Variants in ADGRL2 observed in about 807,000 individuals in gnomAD.
ADGRL2 encodes the protein adhesion G protein-coupled receptor L2.
A neutral mutation model predicts 157.4 loss-of-function variants in ADGRL2; 44 were observed. That is an observed-to-expected ratio of 0.28 (90% CI 0.22 to 0.36). The LOEUF is 0.36. Ranked by LOEUF, ADGRL2 falls within the 10% of genes least tolerant of loss-of-function variation. ADGRL2 has a pLI of 1.00. For synonymous variants in ADGRL2, 585 were observed against 624.7 expected (o/e 0.94, Z 0.95); for missense variants, 1,510 against 1,768.9 (o/e 0.85, Z 2.63).
intron 3 of ADGRL2, among the ~76,000 whole-genome samples, chr1:81,631,781 A>G (rs547632134): frequency 3.7e-4 from 57 of 152,206 alleles, no homozygotes; most frequent in Non-Finnish European, 7.8e-4. Context: ...TCTACATAAC[A>G]TGATTATCGC....
chr1:81,329,708 A>G (rs996755795), intron 1 of ADGRL2, among the ~76,000 whole-genome samples: 5 of 152,188 alleles, frequency 3.3e-5, no homozygotes, highest in Non-Finnish European at 5.9e-5. Context: ...ACTGTTTTTT[A>G]GATGCCAATT....
intron 3 of ADGRL2, among the ~76,000 whole-genome samples, chr1:81,680,836 C>T (rs940884585): frequency 2.0e-5 from 3 of 152,060 alleles, no homozygotes; most frequent in Non-Finnish European, 4.4e-5. Context: ...GCATTTCCTG[C>T]TCCTTGATAA....
chr1:81,977,881 CAAAG>C (rs1660619078), intron 17 of ADGRL2, among the ~76,000 whole-genome samples: 1 of 151,556 alleles, frequency 6.6e-6, no homozygotes, highest in Non-Finnish European at 1.5e-5. Flanking sequence ...CATTCAAAAA[CAAAG>C]AGTCAGAAAC....
At position 81,500,124 on chromosome 1, in the gene ADGRL2, G is replaced by A. The variant is rs189445419; in HGVS notation, c.-248+55035G>A. On this transcript the variant is annotated intron_variant, in intron 2 of 24. Coordinates refer to the ADGRL2 transcript ENST00000370721. ...ACAAAAAGATAAAACACATCTCCTC[G>A]CTAAGATGGCTATTATTAAAACCAA... is the stretch of plus-strand genomic sequence containing the variant. Among the ~76,000 whole-genome samples the A allele has an allele frequency of 1.4e-3, 215 of 152,266 alleles. 3 individuals carry two copies. The highest frequency in any genetic ancestry group is 2.5e-3 in the Non-Finnish European group (167 of 68,014).
intron 3 of ADGRL2, among the ~76,000 whole-genome samples, chr1:81,624,789 A>G (rs571213821): frequency 6.6e-6 from 1 of 152,222 alleles, no homozygotes; most frequent in Non-Finnish European, 1.5e-5. Flanking sequence ...ACTGACTGTG[A>G]AGTATGGCAA....
At chr1:81,690,045 C>G (rs778655892) in intron 3 of ADGRL2, among the ~76,000 whole-genome samples, 1 of 152,128 alleles carries the variant, frequency 6.6e-6, no homozygotes, top group Admixed American at 6.5e-5. Context: ...CTTACTTACT[C>G]ACAGGAGTAG....
chr1:81,959,864 G>A (rs11163399), intron 11 of ADGRL2, among the ~76,000 whole-genome samples: 27,371 of 151,596 alleles, frequency 0.18, 3,227 homozygotes, highest in East Asian at 0.63. Flanking sequence ...GCAATGGCGC[G>A]ATCTTGGCTC....
intron 2 of ADGRL2, among the ~76,000 whole-genome samples, chr1:81,784,479 G>A (rs1257465906): frequency 1.3e-5 from 2 of 152,160 alleles, no homozygotes; most frequent in African/African-American, 4.8e-5. Flanking sequence ...TGTAATCCCA[G>A]CACTTTGGGA....
intron 2 of ADGRL2, among the ~76,000 whole-genome samples, chr1:81,847,505 T>C (rs898697297): frequency 1.3e-5 from 2 of 151,716 alleles, no homozygotes; most frequent in Non-Finnish European, 3.0e-5. Flanking sequence ...AGTTGAAATA[T>C]AGAAATAACA....
At chr1:81,796,475 T>G (rs937468221), upstream of ADGRL2, among the ~76,000 whole-genome samples, 1 of 152,186 alleles carries the variant, frequency 6.6e-6, no homozygotes, top group African/African-American at 2.4e-5. Context: ...ATTCTCAAGA[T>G]GCAGAGATTA....
chr1:81,388,860 G>A (rs891502113), intron 1 of ADGRL2, among the ~76,000 whole-genome samples: 1 of 152,146 alleles, frequency 6.6e-6, no homozygotes, highest in Non-Finnish European at 1.5e-5. Flanking sequence ...TAGAAGAGTA[G>A]AGATATGCTT....
intron 3 of ADGRL2, among the ~76,000 whole-genome samples, chr1:81,669,815 T>C (rs1184213354): frequency 2.0e-5 from 3 of 151,732 alleles, no homozygotes; most frequent in South Asian, 2.1e-4. Context: ...TGGTGGCTGG[T>C]GCCCGTAGTC....
intron 3 of ADGRL2, among the ~76,000 whole-genome samples, chr1:81,692,647 T>C (rs1245000135): frequency 6.6e-6 from 1 of 152,240 alleles, no homozygotes; most frequent in African/African-American, 2.4e-5. Flanking sequence ...TCTAAGTGTT[T>C]ATCTAAAGAT....
Position 81,535,431 on chromosome 1 carries a change from G to A in ADGRL2, c.-247-45445G>A, listed in dbSNP as rs115381179. 9.1e-3 allele frequency among the ~76,000 whole-genome samples: 1,386 copies of A among 152,226 alleles called. 6 individuals carry two copies. The highest frequency in any genetic ancestry group is 0.02 in the Middle Eastern group (6 of 294). On this transcript the variant is annotated intron_variant, in intron 2 of 24. Transcript: ENST00000370721. ...TATGTGTGTGTGAATGTGTGTGTAA[G>A]TGTGTGAGTGTGCCGACATTCCTTT...
At chr1:81,791,668 A>G (rs1217828458) in intron 2 of ADGRL2, among the ~76,000 whole-genome samples, 3 of 152,162 alleles carry the variant, frequency 2.0e-5, no homozygotes, top group Non-Finnish European at 4.4e-5. Flanking sequence ...AAAAAAATAG[A>G]TACATATTAC....
chr1:81,820,715 T>C (rs2090901664), intron 1 of ADGRL2, among the ~76,000 whole-genome samples: 1 of 145,916 alleles, frequency 6.9e-6, no homozygotes, highest in Non-Finnish European at 1.5e-5. Context: ...ACAGGAAGTG[T>C]TGATGTTGAC....
chr1:81,644,325 A>AG (rs2082274850), intron 3 of ADGRL2, among the ~76,000 whole-genome samples: 2 of 152,208 alleles, frequency 1.3e-5, no homozygotes, highest in African/African-American at 2.4e-5. Flanking sequence ...GCTTTTTAGA[A>AG]GGAAAAACAA....
At chr1:81,759,692 C>T (rs968333326) in intron 1 of ADGRL2, among the ~76,000 whole-genome samples, 4 of 152,072 alleles carry the variant, frequency 2.6e-5, no homozygotes, top group African/African-American at 9.7e-5. Flanking sequence ...ATTAAAACTG[C>T]TGTATTACTG....
chr1:81,804,121 AG>A (rs1231710614), intron 1 of ADGRL2, among the ~76,000 whole-genome samples: 3 of 152,214 alleles, frequency 2.0e-5, no homozygotes, highest in African/African-American at 7.2e-5. Flanking sequence ...GACCTAACTA[AG>A]GGTACTTTGT....
Sources: gnomAD v4.1 joint callset for allele counts (sites outside exome capture counted in the v4.1 genomes callset) on GRCh38, gnomAD v4.1.1 for gene constraint, MANE v1.5 for transcripts, NCBI Gene and HGNC (gene_info 2026-07-23, HGNC 2026-07-21) for gene names.